The following RIC8A variants were observed in gnomAD, a reference collection of about 807,000 sequenced individuals.
RIC8A encodes chaperone Ric-8A.
In RIC8A, 37 loss-of-function variants were observed where a neutral mutation model predicts 48.4. The ratio of observed to expected loss-of-function variants is 0.77; its 90% confidence interval spans 0.59 to 1.01. The LOEUF (loss-of-function observed/expected upper bound fraction) is 1.01, where lower values mean the gene tolerates loss of function less well. Ranked by LOEUF, RIC8A falls within the 50% of genes least tolerant of loss-of-function variation. The pLI, the probability that RIC8A is intolerant of heterozygous loss-of-function variation, is 0.00. For synonymous variants in RIC8A, 288 were observed against 283.4 expected, an observed-to-expected ratio of 1.02 and a Z score of -0.16; for missense variants, 681 against 696.8, an observed-to-expected ratio of 0.98 and a Z score of 0.25.
At chr11:210,141 A>C (rs766563490) in intron 3 of RIC8A, 141 bp downstream of exon 3, 4 of 753,760 alleles carry the variant, frequency 5.3e-6, no homozygotes, top group Non-Finnish European at 8.5e-6. Context: ...GACAAGGCCA[A>C]GGAGATGCCA....
chr11:209,164 G>T (rs1423939853), intron 1 of RIC8A, 107 bp from the exon 2 acceptor site: 1 of 1,373,578 alleles, frequency 7.3e-7, no homozygotes, highest in South Asian at 1.2e-5. Context: ...CCTGCCATCC[G>T]TTCTGAGCAG....
intron 3 of RIC8A, 189 bp from the exon 4 acceptor site, chr11:210,382 A>C (rs749008736): frequency 7.4e-5 from 53 of 716,812 alleles, no homozygotes; most frequent in Middle Eastern, 4.5e-4. Context: ...TTAGGAAGAC[A>C]GCAGTGGTCA....
chr11:212,897 G>T lies in RIC8A; in HGVS notation c.1271G>T (p.Gly424Val). ...GNAAGLLAAR[G>V]LMAGGRPEGQ... ...GCTGCTGGCCTTCTGGCTGCCAGGG[G>T]CCTCATGGCAGGAGGCCGGCCCGAG... is the stretch of plus-strand genomic sequence containing the variant. Residue 424 changes from glycine (G) to valine (V), a missense_variant, in exon 8 of 10, where the codon GGC becomes GTC. Gly to Val is a moderately radical substitution (Grantham distance 109). Coordinates refer to ENST00000526104, the MANE Select transcript of RIC8A (RefSeq NM_001286134.2). 2 of 1,606,786 alleles carry T rather than the reference G, an allele frequency of 1.2e-6. No homozygotes were observed. The highest frequency in any genetic ancestry group is 1.7e-6 in the Non-Finnish European group (2 of 1,176,270).
In RIC8A at chr11:211,559, C is replaced by T. The variant is rs1855358077; in HGVS notation, c.969+210C>T. On this transcript the variant is annotated intron_variant, in intron 5 of 9. Coordinates refer to ENST00000526104, the MANE Select transcript of RIC8A (RefSeq NM_001286134.2). This position sits in a 1 kb window ranked among gnomAD's most constrained non-coding sequence, Gnocchi z 4.0. ...GAGAAGCATGTGGACACCTTCCACA[C>T]ACTTGAAGGTTTCACTTCTTAAATC... 1 of 523,160 alleles carries T rather than the reference C, an allele frequency of 1.9e-6. No individual in the cohort carries two copies. Among genetic ancestry groups the T allele is most frequent in the Non-Finnish European group, 3.4e-6 (1 of 298,062 alleles). 32.4% of individuals were successfully genotyped at this position (523,160 alleles called of 1,614,324 possible). A position where few individuals can be genotyped will look rare whatever the true frequency, so the allele number is the denominator to read the frequency against.
intron 9 of RIC8A, 66 bp downstream of exon 9, chr11:213,484 G>A: frequency 6.5e-7 from 1 of 1,544,268 alleles, no homozygotes; most frequent in South Asian, 1.2e-5. Context: ...ATCCTGTCTT[G>A]TGAGCCCCAG....
chr11:214,128 C>G, intron 9 of RIC8A, 102 bp from the exon 10 acceptor site: 1 of 1,348,800 alleles, frequency 7.4e-7, no homozygotes, highest in East Asian at 2.5e-5. Context: ...TAAATGGGAG[C>G]AGCCTACTTG....
In RIC8A at chr11:212,445, C is replaced by A. The variant is rs372523925; in HGVS notation, c.999C>A (p.Pro333=). The change falls in exon 6 of 10, where the codon CCC becomes CCA. Residue 333 remains proline, a synonymous_variant. Coordinates refer to ENST00000526104, the MANE Select transcript of RIC8A (RefSeq NM_001286134.2). ...KTHRLKESVA[P]VLSVLTECAR... ...ACAGGCTGAAGGAGAGTGTAGCTCC[C>A]GTGCTGAGCGTGCTGACTGAATGTG... is the stretch of plus-strand genomic sequence containing the variant. 2.5e-6 allele frequency: 4 copies of A among 1,613,852 alleles called. No homozygotes were observed. Among genetic ancestry groups the A allele is most frequent in the Non-Finnish European group, 3.4e-6 (4 of 1,179,956 alleles).
chr11:209,813 A>T lies in RIC8A; in HGVS notation c.539A>T (p.Gln180Leu). 1 of 1,614,016 alleles carries T rather than the reference A, an allele frequency of 6.2e-7. No individual in the cohort carries two copies. Among genetic ancestry groups the T allele is most frequent in the Non-Finnish European group, 8.5e-7 (1 of 1,180,034 alleles). The change falls in exon 3 of 10, where the codon CAG (glutamine) becomes CTG (leucine). Residue 180 changes from glutamine (Q) to leucine (L), a missense_variant. Gln to Leu is a moderately radical substitution (Grantham distance 113). Transcript: ENST00000526104. ...ACGGCACTCCGCACCGATGTGCGCCAGCAGCTGTTTCAGGAGCTGAAAGGA... is the reference window on the plus strand; with the variant it reads ...ACGGCACTCCGCACCGATGTGCGCCTGCAGCTGTTTCAGGAGCTGAAAGGA... ...LLTALRTDVR[Q>L]QLFQELKGVR...
chr11:214,322 C>CCTCGGACCCTGA lies in RIC8A; in HGVS notation c.1583_1594dup (p.Ser528_Asp531dup), dbSNP rs764530652. ...TGCGAGACTATGGAGCAGCAGCTCTCCTCGGACCCTGACTCGGACCCTGAC... is the reference window on the plus strand; with the variant it reads ...TGCGAGACTATGGAGCAGCAGCTCTCCTCGGACCCTGACTCGGACCCTGACTCGGACCCTGAC... On this transcript the variant is annotated inframe_insertion, in exon 10 of 10. Transcript: ENST00000526104. The CCTCGGACCCTGA allele has an allele frequency of 6.2e-7, 1 of 1,610,164 alleles. No individual in the cohort carries two copies. Among genetic ancestry groups the CCTCGGACCCTGA allele is most frequent in the Non-Finnish European group, 8.5e-7 (1 of 1,178,314 alleles).
Position 211,352 on chromosome 11 carries a change from AG to A in RIC8A, c.969+5del, listed in dbSNP as rs2133750282. 1 of 1,612,666 alleles carries A rather than the reference AG, an allele frequency of 6.2e-7. No homozygotes were observed. Among genetic ancestry groups the A allele is most frequent in the Non-Finnish European group, 8.5e-7 (1 of 1,179,188 alleles). Reference sequence around the variant, plus strand: ...TCCTAGAGAAGCGTTTGCACAAGGTAGGCTGGGGATGGCTGTGCAGGCTCCC... The same window carrying A: ...TCCTAGAGAAGCGTTTGCACAAGGTAGCTGGGGATGGCTGTGCAGGCTCCC... On this transcript the variant is annotated splice_donor_region_variant and intron_variant, in intron 5 of 9. Transcript: ENST00000526104. This position sits in a 1 kb window ranked among gnomAD's most constrained non-coding sequence, Gnocchi z 4.0.
rs967031323 is a variant in RIC8A at position 214,352 on chromosome 11, G to A, written c.*2G>A. On this transcript the variant is annotated 3_prime_UTR_variant, in exon 10 of 10. Transcript: ENST00000526104. ...GACCCTGACTCGGACCCTGACTGAG[G>A]ATGGCAGCTCTTCTGCTCCCCCATC... 3 of 1,590,704 alleles carry A rather than the reference G, an allele frequency of 1.9e-6. No individual in the cohort carries two copies. The highest frequency in any genetic ancestry group is 2.7e-5 in the African/African-American group (2 of 74,736).
Position 212,942 on chromosome 11 carries a change from A to G in RIC8A, c.1316A>G (p.Glu439Gly). Residue 439 changes from glutamate (E) to glycine (G), a missense_variant, in exon 8 of 10, where the codon GAG becomes GGG. Physicochemically the swap from Glu to Gly is moderately conservative, Grantham distance 98 (BLOSUM62 -2). Coordinates refer to ENST00000526104, the MANE Select transcript of RIC8A (RefSeq NM_001286134.2). ...GRPEGQYSED[E>G]DTDTDEYKEA... is the part of the protein sequence containing the mutation. ...CCCGAGGGCCAGTACTCAGAGGATG[A>G]GGACACAGACACAGATGAGTACAAG... 1 of 1,590,294 alleles carries G rather than the reference A, an allele frequency of 6.3e-7. No individual in the cohort carries two copies. Among genetic ancestry groups the G allele is most frequent in the Non-Finnish European group, 8.6e-7 (1 of 1,169,076 alleles).
Position 208,597 on chromosome 11 carries a change from G to A in RIC8A, c.-258G>A. The A allele has an allele frequency of 2.5e-6, 1 of 396,000 alleles. No homozygotes were observed. The highest frequency in any genetic ancestry group is 4.5e-6 in the Non-Finnish European group (1 of 223,732). 24.5% of individuals were successfully genotyped at this position (396,000 alleles called of 1,614,324 possible). ...CTGGCCCAAGAAGCGCGGGTCACAA[G>A]GAGAGGGGTCAGTTCGGTTCAGAGC... On this transcript the variant is annotated 5_prime_UTR_variant, in exon 1 of 10. Coordinates refer to ENST00000526104, the MANE Select transcript of RIC8A (RefSeq NM_001286134.2). The surrounding 1 kb of genome is among the most constrained non-coding windows in gnomAD (Gnocchi z 4.8).
Position 209,431 on chromosome 11 carries a change from G to A in RIC8A, c.157G>A (p.Val53Ile), listed in dbSNP as rs1430060517. ...GAGACTGGCGGAGCTGCTGGTCTCC[G>A]TCCTGGAACAGGGCTTGCCACCCTC... is the stretch of plus-strand genomic sequence containing the variant. ...RKRLAELLVSVLEQGLPPSHR... is the reference protein window; with the variant it reads ...RKRLAELLVSILEQGLPPSHR... The change falls in exon 3 of 10, where the codon GTC (valine) becomes ATC (isoleucine). Residue 53 changes from valine to isoleucine, a missense_variant. By Grantham distance (29) the Val-to-Ile change is conservative. Coordinates refer to ENST00000526104, the MANE Select transcript of RIC8A (RefSeq NM_001286134.2). 1.9e-6 allele frequency: 3 copies of A among 1,601,996 alleles called. No homozygotes were observed. Among genetic ancestry groups the A allele is most frequent in the Non-Finnish European group, 1.7e-6 (2 of 1,171,032 alleles).
chr11:212,252 C>T, intron 5 of RIC8A, 164 bp from the exon 6 acceptor site: 1 of 654,136 alleles, frequency 1.5e-6, no homozygotes, highest in East Asian at 2.7e-5. Flanking sequence ...ACCACCCACT[C>T]TTGGCCTTCT....
At chr11:209,227 A>C in intron 1 of RIC8A, 44 bp from the exon 2 acceptor site, 1 of 1,613,164 alleles carries the variant, frequency 6.2e-7, no homozygotes, top group Middle Eastern at 1.7e-4. Flanking sequence ...GCGGACGCGG[A>C]TCCTACCCCT....
At chr11:210,091 G>T in intron 3 of RIC8A, 91 bp downstream of exon 3, 1 of 1,160,408 alleles carries the variant, frequency 8.6e-7, no homozygotes, top group South Asian at 1.5e-5. Context: ...AGGTTTCTGG[G>T]TGTCAGACAT....
At position 211,345 on chromosome 11, in the gene RIC8A, A is replaced by G. The variant is rs1449707570; in HGVS notation, c.965A>G (p.His322Arg). 3.7e-6 allele frequency: 6 copies of G among 1,613,294 alleles called. No homozygotes were observed. Among genetic ancestry groups the G allele is most frequent in the Non-Finnish European group, 5.1e-6 (6 of 1,179,620 alleles). The stretch of plus-strand genomic sequence containing the variant: ...CTCATCTTCCTAGAGAAGCGTTTGC[A>G]CAAGGTAGGCTGGGGATGGCTGTGC... ...ALLIFLEKRL[H>R]KTHRLKESVA... Residue 322 changes from histidine to arginine, a missense_variant, in exon 5 of 10, where the codon CAC (histidine) becomes CGC (arginine). Coordinates refer to ENST00000526104, the MANE Select transcript of RIC8A (RefSeq NM_001286134.2). This position sits in a 1 kb window ranked among gnomAD's most constrained non-coding sequence, Gnocchi z 4.0.
At position 211,401 on chromosome 11, in the gene RIC8A, T is replaced by C. The variant is rs1855353820; in HGVS notation, c.969+52T>C. On this transcript the variant is annotated intron_variant, in intron 5 of 9. Transcript: ENST00000526104. The surrounding 1 kb of genome is among the most constrained non-coding windows in gnomAD (Gnocchi z 4.0). The stretch of plus-strand genomic sequence containing the variant: ...CCCCCAGTGGCTCTGGCACTGGTTC[T>C]CCTGCACAGATGTGGTCAGTGCTTC... 4 of 1,579,690 alleles carry C rather than the reference T, an allele frequency of 2.5e-6. No individual in the cohort carries two copies. The highest frequency in any genetic ancestry group is 3.5e-6 in the Non-Finnish European group (4 of 1,159,416).
Sources: allele counts gnomAD v4.1 joint callset, GRCh38; gene constraint gnomAD v4.1.1; non-coding constraint Gnocchi (gnomAD v3.1); transcripts MANE v1.5; gene names NCBI Gene and HGNC (gene_info 2026-07-23, HGNC 2026-07-21).